Variants in NPHP1 observed in about 807,000 individuals in gnomAD.
NPHP1 encodes the protein nephrocystin 1.
A neutral mutation model predicts 90.4 loss-of-function variants in NPHP1; 70 were observed. That is an observed-to-expected ratio of 0.77 (90% CI 0.64 to 0.95). The LOEUF (loss-of-function observed/expected upper bound fraction) is 0.95. Among genes scored for constraint, NPHP1 ranks in the 40% least tolerant of loss-of-function variants. The probability of loss-of-function intolerance (pLI) is 0.00; values close to 1 mark genes in which losing one functional copy is unlikely to be tolerated. For synonymous variants in NPHP1, 256 were observed against 271.7 expected (o/e 0.94, Z 0.57); for missense variants, 764 against 795.9 (o/e 0.96, Z 0.48).
At chr2:110,149,660 C>G (rs1484422568) in intron 12 of NPHP1, among the ~76,000 whole-genome samples, 1 of 152,122 alleles carries the variant, frequency 6.6e-6, no homozygotes, top group Admixed American at 6.6e-5. Context: ...ATTAATGAGA[C>G]CTTGGAGGTA....
chr2:110,147,908 G>A lies in NPHP1; in HGVS notation c.1269+8C>T, dbSNP rs748875496. Reference sequence around the variant, plus strand: ...ACATTAGAAAGCCTTATCTTTCAACGGACATACATTGCGAATATAAGAAAT... The same window carrying A: ...ACATTAGAAAGCCTTATCTTTCAACAGACATACATTGCGAATATAAGAAAT... On this transcript the variant is annotated splice_region_variant and intron_variant, in intron 13 of 19. Coordinates refer to ENST00000445609, the MANE Select transcript of NPHP1 (RefSeq NM_001128178.3). 7.6e-6 allele frequency: 11 copies of A among 1,439,100 alleles called. No homozygotes were observed. The highest frequency in any genetic ancestry group is 6.7e-5 in the Admixed American group (4 of 59,754). 89.1% of individuals were successfully genotyped at this position (1,439,100 alleles called of 1,614,324 possible). A position where few individuals can be genotyped will look rare whatever the true frequency, so the allele number is the denominator to read the frequency against.
At chr2:110,133,938 A>T (rs183920134) in intron 16 of NPHP1, among the ~76,000 whole-genome samples, 1 of 152,206 alleles carries the variant, frequency 6.6e-6, no homozygotes, top group East Asian at 1.9e-4. Flanking sequence ...GGAAGAGCTC[A>T]AGTCAACAAC....
At chr2:110,203,699 C>A (rs1685723957) in intron 1 of NPHP1, among the ~76,000 whole-genome samples, 2 of 151,692 alleles carry the variant, frequency 1.3e-5, no homozygotes, top group Admixed American at 6.6e-5. Flanking sequence ...GGTAATAGAT[C>A]ACATGAAAAA....
chr2:110,195,015 A>G (rs568256437), intron 2 of NPHP1, among the ~76,000 whole-genome samples: 2 of 152,334 alleles, frequency 1.3e-5, no homozygotes, highest in South Asian at 2.1e-4. Context: ...TCTCAAAATA[A>G]TAACAGCTAT....
At chr2:110,129,329 A>C (rs988500216) in intron 17 of NPHP1, 70 bp from the exon 18 acceptor site, 1 of 1,094,914 alleles carries the variant, frequency 9.1e-7, no homozygotes, top group Non-Finnish European at 1.4e-6. Context: ...AATAGACACA[A>C]AAATATTCAG....
Position 110,124,001 on chromosome 2 carries a change from A to T in NPHP1, c.1824T>A (p.Leu608=). ...ATGGGGGTAGGCGTGTGGAGTGGAGAAGTGGGAGCACGCAGTCATGGTAAA... is the reference window on the plus strand; with the variant it reads ...ATGGGGGTAGGCGTGTGGAGTGGAGTAGTGGGAGCACGCAGTCATGGTAAA... ...LLVYHDCVLP[L]LHSTRLPPFR... Residue 608 remains leucine, a synonymous_variant, in exon 20 of 20, where the codon CTT becomes CTA. Coordinates refer to ENST00000445609, the MANE Select transcript of NPHP1 (RefSeq NM_001128178.3). The T allele has an allele frequency of 6.2e-7, 1 of 1,614,030 alleles. No individual in the cohort carries two copies. Among genetic ancestry groups the T allele is most frequent in the Non-Finnish European group, 8.5e-7 (1 of 1,179,928 alleles).
At chr2:110,152,845 AC>A (rs1681592956) in intron 11 of NPHP1, among the ~76,000 whole-genome samples, 1 of 152,052 alleles carries the variant, frequency 6.6e-6, no homozygotes, top group Non-Finnish European at 1.5e-5. Flanking sequence ...CCACAACACT[AC>A]TAGATAGAGG....
intron 5 of NPHP1, among the ~76,000 whole-genome samples, 163 bp from the exon 6 acceptor site, chr2:110,168,716 A>G (rs1475212470): frequency 6.6e-6 from 1 of 152,100 alleles, no homozygotes; most frequent in Non-Finnish European, 1.5e-5. Flanking sequence ...CCCGACCCCT[A>G]TGTATTCTGC....
At chr2:110,125,094 A>G in intron 19 of NPHP1, 1 of 1,154,432 alleles carries the variant, frequency 8.7e-7, no homozygotes, top group Middle Eastern at 2.0e-4. Flanking sequence ...GTAGTGTGAC[A>G]GAGACCACAA....
intron 6 of NPHP1, among the ~76,000 whole-genome samples, chr2:110,168,128 T>C (rs1435605716): frequency 6.6e-6 from 1 of 152,180 alleles, no homozygotes; most frequent in African/African-American, 2.4e-5. Flanking sequence ...ATCACATATT[T>C]GTGGAAGTTA....
At position 110,139,738 on chromosome 2, in the gene NPHP1, C is replaced by T. The variant is rs112709721; in HGVS notation, c.1529+3804G>A. Among the ~76,000 whole-genome samples, 256 of 152,244 alleles carry T rather than the reference C, an allele frequency of 1.7e-3. 2 individuals carry two copies. The highest frequency in any genetic ancestry group is 3.4e-3 in the Middle Eastern group (1 of 294). On this transcript the variant is annotated intron_variant, in intron 16 of 19. Coordinates refer to ENST00000445609, the MANE Select transcript of NPHP1 (RefSeq NM_001128178.3). Reference sequence around the variant, plus strand: ...AATGGAAAGAGCCCCTGTCCTTTCTCCTTTGAGCAGAGAAGTTTGCATAAA... The same window carrying T: ...AATGGAAAGAGCCCCTGTCCTTTCTTCTTTGAGCAGAGAAGTTTGCATAAA...
intron 8 of NPHP1, 108 bp from the exon 9 acceptor site, chr2:110,163,243 A>G (rs1682477211): frequency 3.7e-6 from 3 of 804,352 alleles, no homozygotes; most frequent in Non-Finnish European, 6.4e-6. Context: ...ATATAAACAT[A>G]CAGACTTTAG....
At chr2:110,185,811 C>A (rs1684244028) in intron 2 of NPHP1, among the ~76,000 whole-genome samples, 2 of 152,118 alleles carry the variant, frequency 1.3e-5, no homozygotes, top group East Asian at 1.9e-4. Flanking sequence ...AGGACCACAC[C>A]AGCCACTGGA....
At chr2:110,188,881 A>C (rs1477789540) in intron 2 of NPHP1, among the ~76,000 whole-genome samples, 1 of 152,164 alleles carries the variant, frequency 6.6e-6, no homozygotes, top group East Asian at 1.9e-4. Flanking sequence ...AACCTGACAA[A>C]AACAAGCAAT....
chr2:110,204,925 C>G lies in NPHP1; in HGVS notation c.44G>C (p.Arg15Pro), dbSNP rs774386187. Residue 15 changes from arginine (R) to proline (P), a missense_variant, in exon 1 of 20, where the codon CGC becomes CCC. Coordinates refer to ENST00000445609, the MANE Select transcript of NPHP1 (RefSeq NM_001128178.3). Reference sequence around the variant, plus strand: ...CTGTTGCTTCAGCTCCTGATTGCGGCGCCGCAGGGCCTGGAGAGGATCTCG... The same window carrying G: ...CTGTTGCTTCAGCTCCTGATTGCGGGGCCGCAGGGCCTGGAGAGGATCTCG... Reference protein sequence around the residue: ...RQRDPLQALRRRNQELKQQVD... With the variant: ...RQRDPLQALRPRNQELKQQVD... 6.8e-6 allele frequency: 11 copies of G among 1,614,002 alleles called. No individual in the cohort carries two copies. Among genetic ancestry groups the G allele is most frequent in the Non-Finnish European group, 8.5e-6 (10 of 1,179,936 alleles).
intron 2 of NPHP1, among the ~76,000 whole-genome samples, chr2:110,195,432 A>G (rs1685092439): frequency 6.6e-6 from 1 of 152,032 alleles, no homozygotes; most frequent in African/African-American, 2.4e-5. Flanking sequence ...AAATACCTAG[A>G]AATCCAACTT....
chr2:110,174,738 C>T (rs1361018806), intron 4 of NPHP1, among the ~76,000 whole-genome samples: 1 of 151,808 alleles, frequency 6.6e-6, no homozygotes, highest in Non-Finnish European at 1.5e-5. Flanking sequence ...GTGACACCTG[C>T]CTTTTTTTTT....
chr2:110,129,707 G>A (rs116552489), intron 17 of NPHP1, among the ~76,000 whole-genome samples: 3,856 of 152,250 alleles, frequency 0.025, 98 homozygotes, highest in Non-Finnish European at 0.033. Flanking sequence ...CCAGCGCTCA[G>A]GGAAGGACCC....
Position 110,143,619 on chromosome 2 carries a change from C to T in NPHP1, c.1452G>A (p.Gln484=). ...SRRAHGSVFY[Q]IMTMRRQPQL... is the part of the protein sequence containing the mutation. Reference sequence around the variant, plus strand: ...GAGGCTGCCTTCTCATTGTCATAATCTGGTAGAAAACACTGCCGTGTGCTT... The same window carrying T: ...GAGGCTGCCTTCTCATTGTCATAATTTGGTAGAAAACACTGCCGTGTGCTT... Residue 484 remains glutamine, a synonymous_variant, in exon 16 of 20, where the codon CAG becomes CAA. Coordinates refer to ENST00000445609, the MANE Select transcript of NPHP1 (RefSeq NM_001128178.3). 10 of 1,613,338 alleles carry T rather than the reference C, an allele frequency of 6.2e-6. No homozygotes were observed. Among genetic ancestry groups the T allele is most frequent in the Non-Finnish European group, 8.5e-6 (10 of 1,179,322 alleles).
Sources: gnomAD v4.1 joint callset for allele counts (sites outside exome capture counted in the v4.1 genomes callset) on GRCh38, gnomAD v4.1.1 for gene constraint, MANE v1.5 for transcripts, NCBI Gene and HGNC (gene_info 2026-07-23, HGNC 2026-07-21) for gene names.